Variants in GABPA observed in about 807,000 individuals in gnomAD.
The protein encoded by GABPA is GA binding protein transcription factor subunit alpha.
A neutral mutation model predicts 59.4 loss-of-function variants in GABPA; 4 were observed. The observed-to-expected ratio is 0.07, with a 90% CI of 0.03 to 0.15. The LOEUF (loss-of-function observed/expected upper bound fraction) is 0.15. Ranked by LOEUF, GABPA falls within the 10% of genes least tolerant of loss-of-function variation. The pLI is 1.00. For missense variants in GABPA, 251 were observed against 543.8 expected, an observed-to-expected ratio of 0.46 and a Z score of 5.36; for synonymous variants, 164 against 183.1, an observed-to-expected ratio of 0.90 and a Z score of 0.84.
At chr21:25,737,979 G>C (rs893478771) in intron 1 of GABPA, among the ~76,000 whole-genome samples, 1 of 152,108 alleles carries the variant, frequency 6.6e-6, no homozygotes, top group Non-Finnish European at 1.5e-5. Context: ...ACTTGGATTG[G>C]CACCAGCTGT....
intron 5 of GABPA, among the ~76,000 whole-genome samples, chr21:25,755,184 CA>C (rs771197572): frequency 6.6e-6 from 1 of 152,000 alleles, no homozygotes; most frequent in Non-Finnish European, 1.5e-5. Flanking sequence ...TGTGTTGGCT[CA>C]TGCCTATAAT....
chr21:25,755,453 AG>A (rs1555878291), intron 5 of GABPA, among the ~76,000 whole-genome samples: 1 of 145,208 alleles, frequency 6.9e-6, no homozygotes, highest in Non-Finnish European at 1.5e-5. Flanking sequence ...AAAAAAAAAA[AG>A]GGCAAAGAAA....
At chr21:25,744,962 G>T (rs1278600289) in intron 2 of GABPA, among the ~76,000 whole-genome samples, 7 of 152,120 alleles carry the variant, frequency 4.6e-5, no homozygotes. Flanking sequence ...ACACACATAT[G>T]TATGTACATA....
At chr21:25,743,416 G>C (rs1342155610) in intron 2 of GABPA, among the ~76,000 whole-genome samples, 1 of 152,050 alleles carries the variant, frequency 6.6e-6, no homozygotes, top group Admixed American at 6.6e-5. Context: ...GCACACAGAT[G>C]GTCCACAAAG....
rs1288444147 is a variant in GABPA at position 25,734,993 on chromosome 21, C to G, written c.-612C>G. On this transcript the variant is annotated 5_prime_UTR_variant, in exon 1 of 10. Coordinates refer to ENST00000400075, the MANE Select transcript of GABPA (RefSeq NM_002040.4). The stretch of plus-strand genomic sequence containing the variant: ...TTTCAGTCGGTCGACGCTCACCGGA[C>G]AGGAAGCGTCTCGGAGACAGTCTGC... 2 of 1,552,166 alleles carry G rather than the reference C, an allele frequency of 1.3e-6. No individual in the cohort carries two copies. Among genetic ancestry groups the G allele is most frequent in the Non-Finnish European group, 8.7e-7 (1 of 1,149,652 alleles).
intron 5 of GABPA, among the ~76,000 whole-genome samples, chr21:25,756,032 T>G (rs1187021055): frequency 6.6e-6 from 1 of 152,228 alleles, no homozygotes; most frequent in Non-Finnish European, 1.5e-5. Context: ...CACTTTGTAC[T>G]CATGTTCCTA....
In GABPA at chr21:25,751,978, C is replaced by T. The variant is rs1273257751; in HGVS notation, c.308-11C>T. ...ATTTAGATTTACAATTTTTTTTTATCCACTGTTCAGGAATTGAACCAAAGT... is the reference window on the plus strand; with the variant it reads ...ATTTAGATTTACAATTTTTTTTTATTCACTGTTCAGGAATTGAACCAAAGT... On this transcript the variant is annotated splice_polypyrimidine_tract_variant and intron_variant, in intron 4 of 9. Transcript: ENST00000400075. 3.7e-6 allele frequency: 6 copies of T among 1,600,644 alleles called. No homozygotes were observed. The African/African-American group carries it at 6.7e-5, about 18-fold the overall frequency.
At chr21:25,746,882 A>AT (rs2035380083) in intron 3 of GABPA, among the ~76,000 whole-genome samples, 1 of 152,226 alleles carries the variant, frequency 6.6e-6, no homozygotes, top group African/African-American at 2.4e-5. Flanking sequence ...CAAAAACTGA[A>AT]AACACCTCAA....
At chr21:25,755,857 C>T (rs542816450) in intron 5 of GABPA, among the ~76,000 whole-genome samples, 62 of 152,276 alleles carry the variant, frequency 4.1e-4, no homozygotes, top group South Asian at 3.7e-3. Context: ...ACCACCATGA[C>T]TTGAACCAGT....
In GABPA at chr21:25,760,891, C is replaced by G. The variant is rs529230478; in HGVS notation, c.749-1421C>G. ...TTTTTTTTTTCCCCCTGTGGTCTGC[C>G]TTCTGTCTTGAGAGTTTCCAGGAAA... On this transcript the variant is annotated intron_variant, in intron 6 of 9. Coordinates refer to ENST00000400075, the MANE Select transcript of GABPA (RefSeq NM_002040.4). Among the ~76,000 whole-genome samples, 25 of 152,034 alleles carry G rather than the reference C, an allele frequency of 1.6e-4. No homozygotes were observed. The South Asian group carries it at 5.0e-3, about 30-fold the overall frequency.
intron 2 of GABPA, among the ~76,000 whole-genome samples, chr21:25,743,440 C>G (rs904081273): frequency 1.3e-5 from 2 of 152,110 alleles, no homozygotes; most frequent in Non-Finnish European, 2.9e-5. Flanking sequence ...AAAGTATGTA[C>G]TATCTGACCT....
chr21:25,769,274 T>G lies in GABPA; in HGVS notation c.*42T>G. 8.2e-7 allele frequency: 1 copy of G among 1,218,708 alleles called. No individual in the cohort carries two copies. The highest frequency in any genetic ancestry group is 1.9e-4 in the Middle Eastern group (1 of 5,246). The allele number at this position is 1,218,708 out of a possible 1,614,324, so 75.5% of individuals were successfully genotyped here. A position where few individuals can be genotyped will look rare whatever the true frequency, so the allele number is the denominator to read the frequency against. ...AGACTCCAAAGTCTTTCTTAAAATG[T>G]TTAGAGCAAGTATAGCTCTTACCTT... On this transcript the variant is annotated 3_prime_UTR_variant, in exon 10 of 10. Transcript: ENST00000400075.
rs762885206 is a variant in GABPA at position 25,762,393 on chromosome 21, T to C, written c.802+28T>C. The stretch of plus-strand genomic sequence containing the variant: ...GAGTATTTGTACCTATATTTGCCCT[T>C]TTATTAATAAGAAATGTTTATTTGA... On this transcript the variant is annotated intron_variant, in intron 7 of 9. Transcript: ENST00000400075. 7.5e-6 allele frequency: 11 copies of C among 1,457,468 alleles called. No individual in the cohort carries two copies. The African/African-American group carries it at 1.6e-4, about 21-fold the overall frequency. 90.3% of individuals were successfully genotyped at this position (1,457,468 alleles called of 1,614,324 possible).
rs1201306951 is a variant in GABPA, at chr21:25,770,117, T to C, written c.*885T>C. ...ATTACCCTGTAGTGCCAGTTTATTA[T>C]GCAAAGCAGCTTATATTCCTTTGTT... On this transcript the variant is annotated 3_prime_UTR_variant, in exon 10 of 10. Coordinates refer to ENST00000400075, the MANE Select transcript of GABPA (RefSeq NM_002040.4). The C allele has an allele frequency of 2.6e-5, 4 of 152,612 alleles. No homozygotes were observed. Among genetic ancestry groups the C allele is most frequent in the Non-Finnish European group, 5.9e-5 (4 of 67,998 alleles). The allele number at this position is 152,612 out of a possible 1,614,324, so 9.5% of individuals were successfully genotyped here. A position where few individuals can be genotyped will look rare whatever the true frequency, so the allele number is the denominator to read the frequency against.
At chr21:25,742,815 T>C (rs2035257486) in intron 2 of GABPA, among the ~76,000 whole-genome samples, 2 of 150,442 alleles carry the variant, frequency 1.3e-5, no homozygotes, top group African/African-American at 2.5e-5. Flanking sequence ...CCAGCTACTC[T>C]GGAGGCTGAG....
Position 25,769,106 on chromosome 21 carries a change from G to A in GABPA, c.1239G>A (p.Glu413=). ...CTCTTATTGGATACAGTGCAGCGGA[G>A]TTGAACCGTTTGGTCACAGAATGTG... ...LKTLIGYSAA[E]LNRLVTECEQ... The change falls in exon 10 of 10, where the codon GAG becomes GAA. Residue 413 remains glutamate, a synonymous_variant. Transcript: ENST00000400075. 1 of 1,613,434 alleles carries A rather than the reference G, an allele frequency of 6.2e-7. No individual in the cohort carries two copies. Among genetic ancestry groups the A allele is most frequent in the Non-Finnish European group, 8.5e-7 (1 of 1,179,444 alleles).
At chr21:25,764,386 C>T (rs1371459163) in intron 8 of GABPA, 36 bp downstream of exon 8, 9 of 1,539,064 alleles carry the variant, frequency 5.8e-6, no homozygotes, top group Non-Finnish European at 7.9e-6. Context: ...TAAAATATAT[C>T]TATCTAATTA....
intron 7 of GABPA, chr21:25,762,829 T>C (rs1461936881): frequency 5.4e-6 from 1 of 185,724 alleles, no homozygotes; most frequent in East Asian, 1.6e-4. Flanking sequence ...CAAGTTAAAA[T>C]AGGAAAACAA....
At chr21:25,748,222 C>T (rs2035417427) in intron 3 of GABPA, among the ~76,000 whole-genome samples, 1 of 152,124 alleles carries the variant, frequency 6.6e-6, no homozygotes, top group South Asian at 2.1e-4. Flanking sequence ...AGTTTGTCTT[C>T]TCCCCTGTTC....
Sources: gnomAD v4.1 joint callset for allele counts (sites outside exome capture counted in the v4.1 genomes callset) on GRCh38, gnomAD v4.1.1 for gene constraint, MANE v1.5 for transcripts, NCBI Gene and HGNC (gene_info 2026-07-23, HGNC 2026-07-21) for gene names.